Variants in RALYL observed in about 807,000 individuals in gnomAD.
RALYL encodes the protein RNA-binding Raly-like protein.
A neutral mutation model predicts 35.1 loss-of-function variants in RALYL; 29 were observed. That is an observed-to-expected ratio of 0.83 (90% CI 0.61 to 1.13). RALYL has a LOEUF of 1.13. RALYL is among the 50% of genes most tolerant of loss of function. The pLI is 0.00. For synonymous variants in RALYL, 120 were observed against 127.6 expected (o/e 0.94, Z 0.40); for missense variants, 359 against 360.4 (o/e 1.00, Z 0.03).
chr8:84,764,333 T>C (rs1813387421), intron 2 of RALYL, among the ~76,000 whole-genome samples: 2 of 152,230 alleles, frequency 1.3e-5, no homozygotes, highest in East Asian at 1.9e-4. Context: ...ACCGGGCATA[T>C]GTTGTATGTT....
intron 1 of RALYL, among the ~76,000 whole-genome samples, chr8:84,309,788 T>G (rs1053122610): frequency 3.3e-5 from 5 of 152,130 alleles, no homozygotes; most frequent in African/African-American, 1.2e-4. Context: ...AAGTGGGTGT[T>G]TGTTTGTTTT....
intron 2 of RALYL, among the ~76,000 whole-genome samples, chr8:84,706,263 A>G (rs569634919): frequency 2.0e-4 from 30 of 152,308 alleles, no homozygotes; most frequent in African/African-American, 7.2e-4. Flanking sequence ...GCTTGTTACC[A>G]TGGAAACCCT....
chr8:84,676,471 T>A (rs1315169807), intron 2 of RALYL, among the ~76,000 whole-genome samples: 2 of 152,188 alleles, frequency 1.3e-5, no homozygotes, highest in Non-Finnish European at 2.9e-5. Flanking sequence ...ATTCCCAGTG[T>A]GCTCCCAAAT....
intron 1 of RALYL, among the ~76,000 whole-genome samples, chr8:84,186,610 G>A (rs1586008543): frequency 2.0e-5 from 3 of 152,262 alleles, no homozygotes; most frequent in Middle Eastern, 3.4e-3. Context: ...AGCACTAGCT[G>A]TACTGTGTGA....
At chr8:84,281,096 A>C (rs936779413) in intron 1 of RALYL, among the ~76,000 whole-genome samples, 2 of 152,162 alleles carry the variant, frequency 1.3e-5, no homozygotes, top group African/African-American at 4.8e-5. Flanking sequence ...TGGTGTTAGC[A>C]TGACTATACA....
chr8:84,497,579 A>G (rs1189920430), intron 1 of RALYL, among the ~76,000 whole-genome samples: 1 of 151,990 alleles, frequency 6.6e-6, no homozygotes, highest in Non-Finnish European at 1.5e-5. Flanking sequence ...TTTCATACAC[A>G]CAATTTCAGA....
chr8:84,656,607 T>C (rs2131599634), intron 2 of RALYL, among the ~76,000 whole-genome samples: 1 of 152,252 alleles, frequency 6.6e-6, no homozygotes, highest in South Asian at 2.1e-4. Flanking sequence ...TGCCTTTATT[T>C]GTTTCACCAC....
chr8:84,258,230 C>T (rs1248140508), intron 1 of RALYL, among the ~76,000 whole-genome samples: 1 of 152,022 alleles, frequency 6.6e-6, no homozygotes, highest in African/African-American at 2.4e-5. Flanking sequence ...TTTAGATGAG[C>T]ACAGATAACA....
intron 1 of RALYL, among the ~76,000 whole-genome samples, chr8:84,298,881 A>G (rs1208254023): frequency 6.6e-6 from 1 of 152,036 alleles, no homozygotes; most frequent in African/African-American, 2.4e-5. Flanking sequence ...GGTGTATAGA[A>G]ATACTACTGT....
rs1362045103 is a variant in RALYL, at chr8:84,654,307, A to C, written c.257-120272A>C. Among the ~76,000 whole-genome samples, 100 of 136,168 alleles carry C rather than the reference A, an allele frequency of 7.3e-4. 1 individual carries two copies. Among genetic ancestry groups the C allele is most frequent in the African/African-American group, 2.6e-3 (96 of 37,214 alleles). 89.3% of individuals were successfully genotyped at this position (136,168 alleles called of 152,430 possible). Reference sequence around the variant, plus strand: ...TATATATATATATATATATATATATATATATATCATGTACCACATATAGGT... The same window carrying C: ...TATATATATATATATATATATATATCTATATATCATGTACCACATATAGGT... On this transcript the variant is annotated intron_variant, in intron 2 of 8. Coordinates refer to ENST00000521268, the MANE Select transcript of RALYL (RefSeq NM_173848.7).
rs569288455 is a variant in RALYL, at chr8:84,691,276, A to C, written c.257-83303A>C. ...AGCCAAAGGGACTTTGGTTTCTGTC[A>C]TATATAAAATACGGCATTCTGGTTT... On this transcript the variant is annotated intron_variant, in intron 2 of 8. Transcript: ENST00000521268. Among the ~76,000 whole-genome samples the C allele has an allele frequency of 7.2e-5, 11 of 152,206 alleles. No homozygotes were observed. The East Asian group carries it at 1.7e-3, about 24-fold the overall frequency.
At chr8:84,598,205 C>G (rs1345862369) in intron 2 of RALYL, among the ~76,000 whole-genome samples, 2 of 152,136 alleles carry the variant, frequency 1.3e-5, no homozygotes, top group Non-Finnish European at 2.9e-5. Flanking sequence ...CTTGCTCTCT[C>G]ACCCAACCTG....
chr8:84,223,195 C>A lies in RALYL; in HGVS notation c.-24+38771C>A, dbSNP rs867800859. Among the ~76,000 whole-genome samples the A allele has an allele frequency of 1.2e-3, 124 of 99,436 alleles. 5 individuals carry two copies. The South Asian group carries it at 0.017, about 14-fold the overall frequency. The allele number at this position is 99,436 out of a possible 152,430, so 65.2% of individuals were successfully genotyped here. ...CTTCCCTTCCCTTCCCTTCCCTTCCCTTCCCTTCCATTCCTCCCTTCCCTT... is the reference window on the plus strand; with the variant it reads ...CTTCCCTTCCCTTCCCTTCCCTTCCATTCCCTTCCATTCCTCCCTTCCCTT... On this transcript the variant is annotated intron_variant, in intron 1 of 8. Coordinates refer to ENST00000521268, the MANE Select transcript of RALYL (RefSeq NM_173848.7).
chr8:84,702,135 A>G (rs1331778253), intron 2 of RALYL, among the ~76,000 whole-genome samples: 3 of 152,220 alleles, frequency 2.0e-5, no homozygotes, highest in African/African-American at 7.2e-5. Context: ...TATAACATTT[A>G]GAAAAGACCT....
chr8:84,280,666 G>C (rs1836355540), intron 1 of RALYL, among the ~76,000 whole-genome samples: 1 of 151,258 alleles, frequency 6.6e-6, no homozygotes, highest in Non-Finnish European at 1.5e-5. Context: ...CAATTATTTT[G>C]CCTTAAGTAC....
intron 2 of RALYL, among the ~76,000 whole-genome samples, chr8:84,725,429 CA>C (rs1221241970): frequency 6.6e-6 from 1 of 151,646 alleles, no homozygotes; most frequent in African/African-American, 2.4e-5. Flanking sequence ...ATGTATTAAA[CA>C]GTAACTTTGA....
Position 84,760,836 on chromosome 8 carries a change from T to A in RALYL, c.257-13743T>A, listed in dbSNP as rs966235258. On this transcript the variant is annotated intron_variant, in intron 2 of 8. Coordinates refer to ENST00000521268, the MANE Select transcript of RALYL (RefSeq NM_173848.7). Reference sequence around the variant, plus strand: ...TATTAGGCTCTGAAATATCTCAATTTGAAGGAAAAGGTTTTAATGGAGCTT... The same window carrying A: ...TATTAGGCTCTGAAATATCTCAATTAGAAGGAAAAGGTTTTAATGGAGCTT... 7.9e-5 allele frequency among the ~76,000 whole-genome samples: 12 copies of A among 152,174 alleles called. No individual in the cohort carries two copies. In the East Asian group the frequency reaches 1.9e-3, roughly 24 times the overall value.
chr8:84,204,888 AT>A (rs1191615660), intron 1 of RALYL, among the ~76,000 whole-genome samples: 2 of 152,092 alleles, frequency 1.3e-5, no homozygotes, highest in East Asian at 3.9e-4. Flanking sequence ...AAGTATGTGT[AT>A]TTTTTCTCAA....
intron 2 of RALYL, among the ~76,000 whole-genome samples, chr8:84,637,807 G>A (rs1273172746): frequency 6.6e-6 from 1 of 151,802 alleles, no homozygotes; most frequent in Non-Finnish European, 1.5e-5. Flanking sequence ...TGCATGGTCT[G>A]TTTCAAGGTT....
Sources: gnomAD v4.1 joint callset for allele counts (sites outside exome capture counted in the v4.1 genomes callset) on GRCh38, gnomAD v4.1.1 for gene constraint, MANE v1.5 for transcripts, NCBI Gene and HGNC (gene_info 2026-07-23, HGNC 2026-07-21) for gene names.